NREP: variants seen among roughly 807,000 people sequenced by gnomAD.
NREP encodes neuronal regeneration related protein, also known as neuronal regeneration-related protein.
A neutral mutation model predicts 8.6 loss-of-function variants in NREP; 5 were observed. That is an observed-to-expected ratio of 0.58 (90% CI 0.30 to 1.22). NREP has a LOEUF of 1.22. Ranked by LOEUF, NREP falls within the 50% of genes most tolerant of loss-of-function variation. The pLI, the probability that NREP is intolerant of heterozygous loss-of-function variation, is 0.07. For missense variants in NREP, 86 were observed against 82.5 expected (o/e 1.04, Z -0.17); for synonymous variants, 27 against 28.0 (o/e 0.96, Z 0.11).
intron 2 of NREP, among the ~76,000 whole-genome samples, chr5:111,772,876 A>G (rs1440204031): frequency 6.6e-6 from 1 of 152,166 alleles, no homozygotes; most frequent in African/African-American, 2.4e-5. Context: ...ACAGCTTTGG[A>G]TTAGGTAATG....
At chr5:111,745,233 T>C (rs915677838) in intron 2 of NREP, among the ~76,000 whole-genome samples, 9 of 152,128 alleles carry the variant, frequency 5.9e-5, no homozygotes, top group Non-Finnish European at 1.3e-4. Context: ...ATCATCATCG[T>C]CACCATTTTA....
chr5:111,791,117 T>A (rs1219038492), intron 2 of NREP, among the ~76,000 whole-genome samples: 2 of 152,304 alleles, frequency 1.3e-5, no homozygotes, highest in East Asian at 3.9e-4. Context: ...CATTATATAT[T>A]TTTGGAGTGG....
chr5:111,821,644 G>A (rs1452711298), intron 2 of NREP, among the ~76,000 whole-genome samples: 2 of 152,082 alleles, frequency 1.3e-5, no homozygotes, highest in Non-Finnish European at 2.9e-5. Context: ...TTTTTTAGCT[G>A]AGCCTGTTTT....
intron 2 of NREP, among the ~76,000 whole-genome samples, chr5:111,801,622 C>T (rs180912879): frequency 7.2e-5 from 11 of 152,128 alleles, no homozygotes; most frequent in Admixed American, 5.9e-4. Flanking sequence ...TTTTCACTGT[C>T]CTGATAAGAA....
At chr5:111,777,464 G>A (rs958899715) in intron 2 of NREP, among the ~76,000 whole-genome samples, 13 of 151,904 alleles carry the variant, frequency 8.6e-5, no homozygotes, top group African/African-American at 2.9e-4. Context: ...TGTGACCTAT[G>A]TTACAATTTA....
chr5:111,883,329 CTGAG>C (rs1754140216), intron 2 of NREP, among the ~76,000 whole-genome samples: 1 of 152,106 alleles, frequency 6.6e-6, no homozygotes, highest in South Asian at 2.1e-4. Context: ...AAAGCAAGTC[CTGAG>C]TGACCTACAA....
chr5:111,743,254 C>T (rs1581059465), intron 2 of NREP, among the ~76,000 whole-genome samples: 1 of 147,542 alleles, frequency 6.8e-6, no homozygotes, highest in African/African-American at 2.5e-5. Flanking sequence ...TAGTTGCTCT[C>T]TTTAGTGAAG....
rs10057974 is a variant in NREP at position 111,881,828 on chromosome 5, T to C, written c.135+93446A>G. Reference sequence around the variant, plus strand: ...AGGACATCCACACCAAAAACCCATCTGTACATCACCATCATCAAAGACCAA... The same window carrying C: ...AGGACATCCACACCAAAAACCCATCCGTACATCACCATCATCAAAGACCAA... On this transcript the variant is annotated intron_variant, in intron 2 of 3. Coordinates refer to the NREP transcript ENST00000395634. Among the ~76,000 whole-genome samples, 1,189 of 152,192 alleles carry C rather than the reference T, an allele frequency of 7.8e-3. 19 individuals are homozygous for C. The highest frequency in any genetic ancestry group is 0.027 in the African/African-American group (1,127 of 41,522).
chr5:111,957,998 T>G (rs980888), intron 2 of NREP, among the ~76,000 whole-genome samples: 55,534 of 151,710 alleles, frequency 0.37, 10,573 homozygotes, highest in South Asian at 0.56. Context: ...CCCAGCAAAG[T>G]AGCACCAAAG....
chr5:111,785,040 G>C (rs1751577189), intron 2 of NREP, among the ~76,000 whole-genome samples: 1 of 152,144 alleles, frequency 6.6e-6, no homozygotes, highest in Admixed American at 6.5e-5. Context: ...CTTGCCTAGG[G>C]AGAACATTAA....
chr5:111,958,239 A>G (rs1756379485), intron 2 of NREP, among the ~76,000 whole-genome samples: 5 of 151,864 alleles, frequency 3.3e-5, no homozygotes, highest in Non-Finnish European at 7.4e-5. Flanking sequence ...AAAACAGTTG[A>G]TGAATTATAA....
intron 2 of NREP, among the ~76,000 whole-genome samples, chr5:111,811,746 GT>G: frequency 6.6e-6 from 1 of 151,954 alleles, no homozygotes; most frequent in African/African-American, 2.4e-5. Flanking sequence ...GTGGTTGCAG[GT>G]TTTTTTTAAA....
chr5:111,945,818 A>G (rs1171856502), intron 2 of NREP, among the ~76,000 whole-genome samples: 2 of 151,914 alleles, frequency 1.3e-5, no homozygotes, highest in Middle Eastern at 3.2e-3. Context: ...AACGTTTGCA[A>G]AAAAAGAGGG....
chr5:111,910,631 A>G (rs866715678), intron 2 of NREP, among the ~76,000 whole-genome samples: 56 of 152,028 alleles, frequency 3.7e-4, no homozygotes, highest in Admixed American at 6.6e-4. Flanking sequence ...TTAGGCATGA[A>G]GATTTGGGCA....
chr5:111,800,830 G>A (rs1360217433), intron 2 of NREP, among the ~76,000 whole-genome samples: 1 of 152,124 alleles, frequency 6.6e-6, no homozygotes, highest in Non-Finnish European at 1.5e-5. Context: ...ATATAACCAG[G>A]TGAATACAAC....
At position 111,843,976 on chromosome 5, in the gene NREP, A is replaced by C. The variant is rs146999159; in HGVS notation, c.136-108469T>G. Among the ~76,000 whole-genome samples the C allele has an allele frequency of 2.2e-3, 330 of 152,342 alleles. 3 individuals are homozygous for C. Among genetic ancestry groups the C allele is most frequent in the African/African-American group, 7.3e-3 (304 of 41,588 alleles). ...CTCAGATTTGATTTCCTAAATGTCA[A>C]CTATATGCTCTTTAACAGAGGGACA... On this transcript the variant is annotated intron_variant, in intron 2 of 3. Transcript: ENST00000395634.
chr5:111,943,668 T>C (rs1755894157), intron 2 of NREP, among the ~76,000 whole-genome samples: 1 of 152,186 alleles, frequency 6.6e-6, no homozygotes, highest in East Asian at 1.9e-4. Flanking sequence ...AAATGCTGGA[T>C]TTGCAGTGGT....
rs114214214 is a variant in NREP at position 111,948,818 on chromosome 5, C to T, written c.135+26456G>A. On this transcript the variant is annotated intron_variant, in intron 2 of 3. Coordinates refer to the NREP transcript ENST00000395634. ...GGAAAAATATGAACTTAATCAATTC[C>T]CCATGTATAAGGCATTTCCAATTTT... is the stretch of plus-strand genomic sequence containing the variant. The T allele has an allele frequency of 1.6e-3, 244 of 152,082 alleles. 1 individual carries two copies. The highest frequency in any genetic ancestry group is 5.7e-3 in the African/African-American group (235 of 41,524). The allele number at this position is 152,082 out of a possible 1,614,324, so 9.4% of individuals were successfully genotyped here.
intron 2 of NREP, among the ~76,000 whole-genome samples, chr5:111,811,783 G>A (rs1316334012): frequency 1.3e-5 from 2 of 152,044 alleles, no homozygotes; most frequent in Non-Finnish European, 2.9e-5. Context: ...TAATCACAAA[G>A]GGTTTTTTTC....
Sources: gnomAD v4.1 joint callset for allele counts (sites outside exome capture counted in the v4.1 genomes callset) on GRCh38, gnomAD v4.1.1 for gene constraint, MANE v1.5 for transcripts, NCBI Gene and HGNC (gene_info 2026-07-23, HGNC 2026-07-21) for gene names.